The following SBNO2 variants were observed in gnomAD, a reference collection of about 807,000 sequenced individuals.
SBNO2 encodes the protein protein strawberry notch homolog 2.
SBNO2 carries 89 observed loss-of-function variants against 146.3 expected under a neutral mutation model. The observed-to-expected ratio is 0.61, with a 90% CI of 0.51 to 0.73. The LOEUF is 0.73. SBNO2 is among the 30% of genes least tolerant of loss of function. The pLI is 0.00. For missense variants in SBNO2, 2,092 were observed against 2,003.7 expected, an observed-to-expected ratio of 1.04 and a Z score of -0.84; for synonymous variants, 1,147 against 892.6, an observed-to-expected ratio of 1.29 and a Z score of -5.08.
At chr19:1,135,622 T>C (rs1443971529) in intron 4 of SBNO2, among the ~76,000 whole-genome samples, 1 of 152,142 alleles carries the variant, frequency 6.6e-6, no homozygotes, top group East Asian at 1.9e-4. Flanking sequence ...TCCCTCCGCC[T>C]CTGTCCAGGG....
At chr19:1,122,407 C>T in intron 10 of SBNO2, 61 bp downstream of exon 10, 1 of 1,526,326 alleles carries the variant, frequency 6.6e-7, no homozygotes, top group African/African-American at 1.4e-5. Flanking sequence ...AGCTGAGCAG[C>T]CCCCACTTTG....
In SBNO2 at chr19:1,111,624, G is replaced by C; in HGVS notation, c.2701-10C>G. The stretch of plus-strand genomic sequence containing the variant: ...GGGCCCGGGTGCCATACTAGGGGGA[G>C]AAGGTGACTCGGGGAGGAGGCCCAG... On this transcript the variant is annotated splice_polypyrimidine_tract_variant and intron_variant, in intron 23 of 31. Coordinates refer to ENST00000361757, the MANE Select transcript of SBNO2 (RefSeq NM_014963.3). 2 of 1,567,538 alleles carry C rather than the reference G, an allele frequency of 1.3e-6. No homozygotes were observed. The highest frequency in any genetic ancestry group is 1.7e-6 in the Non-Finnish European group (2 of 1,155,056).
At position 1,157,383 on chromosome 19, in the gene SBNO2, AGCCCCGGAGACGCTCTCCCCACGCG is replaced by A. The variant is rs1010916616; in HGVS notation, c.-126-3006_-126-2982del. On this transcript the variant is annotated intron_variant, in intron 1 of 31. Transcript: ENST00000361757. The surrounding 1 kb of genome is among the most constrained non-coding windows in gnomAD (Gnocchi z 6.8). ...CGGCCCCGGAGACCCTCTGCCACGC[AGCCCCGGAGACGCTCTCCCCACGCG>A]GCCCCGGAGACCCTCTCCCCACGCG... Among the ~76,000 whole-genome samples, 19 of 134,650 alleles carry A rather than the reference AGCCCCGGAGACGCTCTCCCCACGCG, an allele frequency of 1.4e-4. No individual in the cohort carries two copies. Among genetic ancestry groups the A allele is most frequent in the South Asian group, 2.5e-4 (1 of 3,988 alleles). The allele number at this position is 134,650 out of a possible 152,430, so 88.3% of individuals were successfully genotyped here.
chr19:1,112,877 C>G lies in SBNO2; in HGVS notation c.2320G>C (p.Gly774Arg). The G allele has an allele frequency of 1.3e-6, 2 of 1,573,546 alleles. No homozygotes were observed. The highest frequency in any genetic ancestry group is 1.7e-6 in the Non-Finnish European group (2 of 1,161,006). Reference sequence around the variant, plus strand: ...AGGTTCACGTGGTCGATGGACAGACCCTGCTCTGCCCGCGACTCGAAGGCC... The same window carrying G: ...AGGTTCACGTGGTCGATGGACAGACGCTGCTCTGCCCGCGACTCGAAGGCC... The part of the protein sequence containing the change: ...TVAFESRAEQ[G>R]LSIDHVNLRE... The change falls in exon 20 of 32, where the codon GGT becomes CGT. Residue 774 changes from glycine (G) to arginine (R), a missense_variant. Physicochemically the swap from Gly to Arg is moderately radical, Grantham distance 125 (BLOSUM62 -2). Coordinates refer to ENST00000361757, the MANE Select transcript of SBNO2 (RefSeq NM_014963.3). This position sits in a 1 kb window ranked among gnomAD's most constrained non-coding sequence, Gnocchi z 5.9.
In SBNO2 at chr19:1,112,304, G is replaced by T. The variant is rs539984017; in HGVS notation, c.2516-3C>A. On this transcript the variant is annotated splice_region_variant and splice_polypyrimidine_tract_variant and intron_variant, in intron 21 of 31. Transcript: ENST00000361757. The surrounding 1 kb of genome is among the most constrained non-coding windows in gnomAD (Gnocchi z 5.9). The stretch of plus-strand genomic sequence containing the variant: ...CTGGTTGGACCGGTGGGTGCGGCCT[G>T]GGGGCAGAGCTGCTCTCAGGGCCCG... 6 of 1,581,066 alleles carry T rather than the reference G, an allele frequency of 3.8e-6. No individual in the cohort carries two copies. The highest frequency in any genetic ancestry group is 5.2e-6 in the Non-Finnish European group (6 of 1,164,926).
intron 1 of SBNO2, among the ~76,000 whole-genome samples, chr19:1,162,638 C>T (rs1008003707): frequency 6.6e-6 from 1 of 152,148 alleles, no homozygotes; most frequent in Non-Finnish European, 1.5e-5. Context: ...AACCTTCTCC[C>T]AGCTTTGTGA....
chr19:1,163,618 G>A (rs1330028921), intron 1 of SBNO2, among the ~76,000 whole-genome samples: 6 of 152,350 alleles, frequency 3.9e-5, no homozygotes, highest in South Asian at 2.1e-4. Flanking sequence ...CGTCTGGACC[G>A]CAGTGGCTCC....
Position 1,117,374 on chromosome 19 carries a change from G to C in SBNO2, c.1653C>G (p.Ala551=). 6.3e-7 allele frequency: 1 copy of C among 1,585,844 alleles called. No individual in the cohort carries two copies. The highest frequency in any genetic ancestry group is 8.6e-7 in the Non-Finnish European group (1 of 1,167,470). The change falls in exon 15 of 32, where the codon GCC becomes GCG. Residue 551 remains alanine, a synonymous_variant. Coordinates refer to ENST00000361757, the MANE Select transcript of SBNO2 (RefSeq NM_014963.3). ...CCAGCTCCACCAGCCGGCGCACCTT[G>C]GCTGCGATGCACAGATACTTGAAGA... ...QRFFKYLCIA[A]KVRRLVELAR... is the part of the protein sequence containing the mutation.
At chr19:1,147,167 C>A (rs2080198286) in intron 4 of SBNO2, 142 bp downstream of exon 4, 1 of 598,748 alleles carries the variant, frequency 1.7e-6, no homozygotes, top group Non-Finnish European at 2.9e-6. Flanking sequence ...TACTGCCCCA[C>A]CGTAAACCCT....
rs2080173029 is a variant in SBNO2 at position 1,144,858 on chromosome 19, A to T, written c.279+2451T>A. ...GAGACAGGGGCAGAGACAAGCAGAG[A>T]GGGAGACACAGACAGAGACAGAGAG... is the stretch of plus-strand genomic sequence containing the variant. On this transcript the variant is annotated intron_variant, in intron 4 of 31. Transcript: ENST00000361757. The surrounding 1 kb of genome is among the most constrained non-coding windows in gnomAD (Gnocchi z 4.1). 6.6e-6 allele frequency among the ~76,000 whole-genome samples: 1 copy of T among 150,608 alleles called. No homozygotes were observed. The highest frequency in any genetic ancestry group is 2.5e-5 in the African/African-American group (1 of 40,650).
intron 1 of SBNO2, among the ~76,000 whole-genome samples, chr19:1,163,010 G>A (rs533024516): frequency 1.8e-3 from 267 of 152,314 alleles, no homozygotes; most frequent in Non-Finnish European, 2.4e-3. Flanking sequence ...CAGTGCCTGC[G>A]GGCCACAAGG....
chr19:1,107,900 C>T lies in SBNO2; in HGVS notation c.*320G>A. 1 of 184,258 alleles carries T rather than the reference C, an allele frequency of 5.4e-6. No individual in the cohort carries two copies. The highest frequency in any genetic ancestry group is 1.1e-5 in the Non-Finnish European group (1 of 88,686). 11.4% of individuals were successfully genotyped at this position (184,258 alleles called of 1,614,324 possible). A position where few individuals can be genotyped will look rare whatever the true frequency, so the allele number is the denominator to read the frequency against. On this transcript the variant is annotated 3_prime_UTR_variant, in exon 32 of 32. Coordinates refer to ENST00000361757, the MANE Select transcript of SBNO2 (RefSeq NM_014963.3). ...TTCCTGAGTTTCTAGCTCTTGGGAC[C>T]ACCCGGTTTCACGGATTTCAAGGGT... is the stretch of plus-strand genomic sequence containing the variant.
chr19:1,130,157 G>A (rs938843749), intron 4 of SBNO2, among the ~76,000 whole-genome samples: 1 of 152,132 alleles, frequency 6.6e-6, no homozygotes, highest in Non-Finnish European at 1.5e-5. Context: ...AAAGGACATG[G>A]GGGAAACTGA....
At chr19:1,123,917 G>A (rs1179153158) in intron 6 of SBNO2, 25 bp downstream of exon 6, 1 of 1,604,246 alleles carries the variant, frequency 6.2e-7, no homozygotes. Flanking sequence ...GCAGGGGAGG[G>A]AGCTCTCGGC....
chr19:1,152,642 G>A (rs2080253401), intron 2 of SBNO2, among the ~76,000 whole-genome samples: 1 of 152,162 alleles, frequency 6.6e-6, no homozygotes, highest in African/African-American at 2.4e-5. Flanking sequence ...GCTACGAGAG[G>A]GGTACCCTGG....
rs546147015 is a variant in SBNO2, at chr19:1,152,959, C to T, written c.93+1225G>A. On this transcript the variant is annotated intron_variant, in intron 2 of 31. Coordinates refer to ENST00000361757, the MANE Select transcript of SBNO2 (RefSeq NM_014963.3). ...ACTGAGCCCGGGAGTTTGAGACCAG[C>T]GTGTCCAACGGGGCAAAACCTCATC... is the stretch of plus-strand genomic sequence containing the variant. 3.7e-4 allele frequency among the ~76,000 whole-genome samples: 56 copies of T among 152,044 alleles called. No homozygotes were observed. In the South Asian group the frequency reaches 7.9e-3, roughly 21 times the overall value.
At position 1,145,498 on chromosome 19, in the gene SBNO2, A is replaced by G. The variant is rs145395142; in HGVS notation, c.279+1811T>C. Among the ~76,000 whole-genome samples, 243 of 151,358 alleles carry G rather than the reference A, an allele frequency of 1.6e-3. 2 individuals are homozygous for G. Among genetic ancestry groups the G allele is most frequent in the African/African-American group, 5.6e-3 (230 of 41,258 alleles). ...CAAAAAAAAAAAAAAAGAAAGAAAG[A>G]AAGGAAAGAGAGAAGGAACACACAG... On this transcript the variant is annotated intron_variant, in intron 4 of 31. Transcript: ENST00000361757.
chr19:1,141,475 A>G (rs971258363), intron 4 of SBNO2, among the ~76,000 whole-genome samples: 3 of 152,074 alleles, frequency 2.0e-5, no homozygotes, highest in African/African-American at 7.2e-5. Flanking sequence ...TTGGCCCCCC[A>G]AAGTGCTGGG....
Position 1,112,222 on chromosome 19 carries a change from G to A in SBNO2, c.2595C>T (p.Phe865=), listed in dbSNP as rs151200951. The change falls in exon 22 of 32, where the codon TTC becomes TTT. Residue 865 remains phenylalanine, a synonymous_variant. Coordinates refer to ENST00000361757, the MANE Select transcript of SBNO2 (RefSeq NM_014963.3). The surrounding 1 kb of genome is among the most constrained non-coding windows in gnomAD (Gnocchi z 5.9). ...CCAGGCGCTTGGCCACGATGGAGGCGAACCGGCGCTCCCCGGCCAGCTCCG... is the reference window on the plus strand; with the variant it reads ...CCAGGCGCTTGGCCACGATGGAGGCAAACCGGCGCTCCCCGGCCAGCTCCG... The part of the protein sequence containing the change: ...LISELAGERR[F]ASIVAKRLES... 3.8e-4 allele frequency: 601 copies of A among 1,590,566 alleles called. No homozygotes were observed. The highest frequency in any genetic ancestry group is 4.8e-4 in the Non-Finnish European group (561 of 1,168,866).
Sources: allele counts gnomAD v4.1 joint callset (sites outside exome capture counted in the v4.1 genomes callset), GRCh38; gene constraint gnomAD v4.1.1; non-coding constraint Gnocchi (gnomAD v3.1); transcripts MANE v1.5; gene names NCBI Gene and HGNC (gene_info 2026-07-23, HGNC 2026-07-21).